PPARGC1A: variants seen among roughly 807,000 people sequenced by gnomAD.
The protein encoded by PPARGC1A is PPARG coactivator 1 alpha.
Under a neutral mutation model 88.7 loss-of-function variants are expected in PPARGC1A, and 25 were observed. That is an observed-to-expected ratio of 0.28 (90% CI 0.21 to 0.39). The LOEUF is 0.39. Among genes scored for constraint, PPARGC1A ranks in the 10% least tolerant of loss-of-function variants. The pLI is 1.00. For missense variants in PPARGC1A, 880 were observed against 968.7 expected, an observed-to-expected ratio of 0.91 and a Z score of 1.22; for synonymous variants, 363 against 355.6, an observed-to-expected ratio of 1.02 and a Z score of -0.24.
intron 2 of PPARGC1A, among the ~76,000 whole-genome samples, chr4:23,854,310 G>A (rs1269257652): frequency 6.6e-6 from 1 of 152,162 alleles, no homozygotes; most frequent in Non-Finnish European, 1.5e-5. Context: ...GCATAGTTAT[G>A]TTATTTTGGT....
the PPARGC1A span, among the ~76,000 whole-genome samples, chr4:24,319,791 G>A: frequency 2.8e-4 from 43 of 152,254 alleles, no homozygotes; most frequent in Admixed American, 2.2e-3. Context: ...CTCCTATTAC[G>A]CTGTTGCAGA....
the PPARGC1A span, among the ~76,000 whole-genome samples, chr4:24,371,175 C>T: frequency 2.0e-5 from 3 of 152,216 alleles, no homozygotes; most frequent in Non-Finnish European, 4.4e-5. Context: ...TTTATCCAGT[C>T]TATCATTGAT....
At chr4:24,014,597 C>G in the PPARGC1A span, among the ~76,000 whole-genome samples, 1 of 152,124 alleles carries the variant, frequency 6.6e-6, no homozygotes, top group African/African-American at 2.4e-5. Context: ...CAAACTCAAT[C>G]AAAGTGTTAG....
At chr4:24,327,268 G>A in the PPARGC1A span, among the ~76,000 whole-genome samples, 1 of 152,124 alleles carries the variant, frequency 6.6e-6, no homozygotes, top group Non-Finnish European at 1.5e-5. Flanking sequence ...CAAATAATTT[G>A]TCATCCCTAC....
chr4:24,206,962 G>T, the PPARGC1A span, among the ~76,000 whole-genome samples: 199 of 149,246 alleles, frequency 1.3e-3, 1 homozygote, highest in African/African-American at 4.1e-3. Flanking sequence ...TTTACAATTG[G>T]TAGGGAGAAA....
chr4:24,387,992 G>A, the PPARGC1A span, among the ~76,000 whole-genome samples: 1 of 149,372 alleles, frequency 6.7e-6, no homozygotes. Context: ...GGGAGAGAGG[G>A]AGGGATGAAG....
At chr4:23,950,132 C>G in the PPARGC1A span, among the ~76,000 whole-genome samples, 4 of 152,066 alleles carry the variant, frequency 2.6e-5, no homozygotes, top group Non-Finnish European at 2.9e-5. Context: ...GGTATAGACC[C>G]AAAGTAGATT....
At chr4:24,122,423 A>G in the PPARGC1A span, among the ~76,000 whole-genome samples, 489 of 130,200 alleles carry the variant, frequency 3.8e-3, 13 homozygotes, top group East Asian at 0.07. Context: ...GTGCATATAT[A>G]TATATATATA....
the PPARGC1A span, among the ~76,000 whole-genome samples, chr4:24,448,219 G>GT: frequency 1.3e-5 from 2 of 152,314 alleles, no homozygotes; most frequent in East Asian, 3.9e-4. Context: ...CCAGGAGGCT[G>GT]TTTAACGTTT....
chr4:24,270,708 C>G, the PPARGC1A span, among the ~76,000 whole-genome samples: 2 of 152,096 alleles, frequency 1.3e-5, no homozygotes, highest in African/African-American at 4.8e-5. Flanking sequence ...TTCAGCATGC[C>G]GAAGATATCC....
chr4:24,216,450 T>C, the PPARGC1A span, among the ~76,000 whole-genome samples: 2 of 152,048 alleles, frequency 1.3e-5, no homozygotes, highest in African/African-American at 4.8e-5. Context: ...ACTCAGCCCA[T>C]TTTGCAGCTA....
the PPARGC1A span, among the ~76,000 whole-genome samples, chr4:23,959,696 G>A: frequency 6.6e-6 from 1 of 152,092 alleles, no homozygotes; most frequent in Non-Finnish European, 1.5e-5. Flanking sequence ...GAAGATGGAA[G>A]GAGAAAGGTA....
At chr4:23,839,421 A>G (rs1021445405) in intron 2 of PPARGC1A, among the ~76,000 whole-genome samples, 2 of 152,172 alleles carry the variant, frequency 1.3e-5, no homozygotes, top group Non-Finnish European at 2.9e-5. Flanking sequence ...TGGAGACTTA[A>G]TAGGCCTGAA....
chr4:23,795,853 AG>A lies in PPARGC1A; in HGVS notation c.2365del (p.Leu789Ter). 6.2e-7 allele frequency: 1 copy of A among 1,611,618 alleles called. No homozygotes were observed. Among genetic ancestry groups the A allele is most frequent in the Non-Finnish European group, 8.5e-7 (1 of 1,179,098 alleles). ...GCGCAAGCTTCTCTGAGCTTCTTTCAGTAAACTATCAAAATCCAGAGAGTCA... is the reference window on the plus strand; with the variant it reads ...GCGCAAGCTTCTCTGAGCTTCTTTCATAAACTATCAAAATCCAGAGAGTCA... ...KYDSLDFDSLLKEAQRSLRR is the reference protein window; with the variant it reads ...KYDSLDFDSLXKEAQRSLRR On this transcript the variant is annotated frameshift_variant, in exon 13 of 13. Coordinates refer to ENST00000264867, the MANE Select transcript of PPARGC1A (RefSeq NM_013261.5). LOFTEE classifies it high-confidence loss of function.
intron 2 of PPARGC1A, chr4:23,883,935 T>C (rs1716429206): frequency 6.6e-6 from 1 of 152,194 alleles, no homozygotes; most frequent in Admixed American, 6.6e-5. Context: ...ATGATGATGA[T>C]GGCACTGGCG....
the PPARGC1A span, among the ~76,000 whole-genome samples, chr4:24,233,097 G>C: frequency 7.5e-6 from 1 of 133,540 alleles, no homozygotes; most frequent in South Asian, 3.0e-4. Flanking sequence ...TCTTCTTAAG[G>C]AAAGGCCAGA....
At chr4:24,261,573 T>C in the PPARGC1A span, among the ~76,000 whole-genome samples, 61,068 of 152,174 alleles carry the variant, frequency 0.4, 13,777 homozygotes, top group Non-Finnish European at 0.52. Context: ...ATTTGCTTTA[T>C]TCTGTGTGGT....
chr4:23,850,140 G>A (rs1729021920), intron 2 of PPARGC1A, among the ~76,000 whole-genome samples: 1 of 152,082 alleles, frequency 6.6e-6, no homozygotes, highest in Non-Finnish European at 1.5e-5. Context: ...GAAATAATTA[G>A]GTTGGTGCAA....
the PPARGC1A span, among the ~76,000 whole-genome samples, chr4:24,119,066 GA>G: frequency 1.3e-5 from 2 of 152,186 alleles, no homozygotes; most frequent in Non-Finnish European, 1.5e-5. Context: ...GCAGTCATTG[GA>G]GAGGGATTTT....
Sources: allele counts gnomAD v4.1 joint callset (sites outside exome capture counted in the v4.1 genomes callset), GRCh38; gene constraint gnomAD v4.1.1; transcripts MANE v1.5; gene names NCBI Gene and HGNC (gene_info 2026-07-23, HGNC 2026-07-21).